CELF2: variants seen among roughly 807,000 people sequenced by gnomAD.
The protein encoded by CELF2 is CUG triplet repeat RNA-binding protein 2.
In CELF2, 8 loss-of-function variants were observed where a neutral mutation model predicts 62.6. The ratio of observed to expected loss-of-function variants is 0.13; its 90% CI spans 0.07 to 0.23. The LOEUF (loss-of-function observed/expected upper bound fraction) is 0.23. Among genes scored for constraint, CELF2 ranks in the 10% least tolerant of loss-of-function variants. CELF2 has a pLI of 1.00. For missense variants in CELF2, 333 were observed against 671.0 expected (o/e 0.50, Z 5.56); for synonymous variants, 258 against 250.0 (o/e 1.03, Z -0.30).
At chr10:11,181,777 G>T (rs927211127) in intron 2 of CELF2, among the ~76,000 whole-genome samples, 1 of 152,210 alleles carries the variant, frequency 6.6e-6, no homozygotes, top group African/African-American at 2.4e-5. Context: ...GGACCTCATC[G>T]AACTTAGTAC....
the CELF2 span, among the ~76,000 whole-genome samples, chr10:10,478,107 A>T: frequency 1.3e-5 from 2 of 152,192 alleles, no homozygotes; most frequent in African/African-American, 4.8e-5. Flanking sequence ...CCAGGAAAAA[A>T]GTTAGCCATC....
chr10:11,101,461 C>T (rs2051604391), intron 1 of CELF2, among the ~76,000 whole-genome samples: 1 of 152,122 alleles, frequency 6.6e-6, no homozygotes, highest in South Asian at 2.1e-4. Flanking sequence ...TTAGAGAGGG[C>T]TAGCTCTCAA....
chr10:11,123,769 T>C (rs2058192180), intron 1 of CELF2, among the ~76,000 whole-genome samples: 1 of 151,672 alleles, frequency 6.6e-6, no homozygotes, highest in African/African-American at 2.4e-5. Context: ...AAAGTCCTTC[T>C]AAGATGAAAA....
intron 9 of CELF2, among the ~76,000 whole-genome samples, chr10:11,295,811 C>T (rs2093103398): frequency 6.6e-6 from 1 of 152,130 alleles, no homozygotes; most frequent in Non-Finnish European, 1.5e-5. Context: ...GATCATCCTG[C>T]TTCTAAAGGA....
In CELF2 at chr10:11,334,731, A is replaced by T. The variant is rs2096087078; in HGVS notation, c.*5678A>T. ...ACGCAGTTCTTAACATACATTCCAA[A>T]CTGCTGCGGGGTTTCCTCTCCACAC... On this transcript the variant is annotated 3_prime_UTR_variant, in exon 13 of 13. Coordinates refer to ENST00000633077, the MANE Select transcript of CELF2 (RefSeq NM_001326342.2). The T allele has an allele frequency of 6.6e-6, 1 of 151,966 alleles. No individual in the cohort carries two copies. The highest frequency in any genetic ancestry group is 2.4e-5 in the African/African-American group (1 of 41,368). The allele number at this position is 151,966 out of a possible 1,614,324, so 9.4% of individuals were successfully genotyped here.
the CELF2 span, among the ~76,000 whole-genome samples, chr10:10,748,734 C>A: frequency 5.1e-5 from 6 of 117,900 alleles, no homozygotes; most frequent in Non-Finnish European, 9.6e-5. Context: ...GGTGACAGAG[C>A]GAGACTCTGT....
chr10:11,078,419 A>C (rs1294413408), intron 1 of CELF2, among the ~76,000 whole-genome samples: 3 of 152,206 alleles, frequency 2.0e-5, no homozygotes, highest in African/African-American at 7.2e-5. Context: ...TACCTATAAC[A>C]GGTGCTCACA....
At chr10:10,952,447 A>G (rs1299692741) in intron 2 of CELF2, among the ~76,000 whole-genome samples, 1 of 152,226 alleles carries the variant, frequency 6.6e-6, no homozygotes, top group East Asian at 1.9e-4. Flanking sequence ...AAAAGAGAAG[A>G]AAGACAGTGA....
At chr10:10,554,388 T>G in the CELF2 span, among the ~76,000 whole-genome samples, 1 of 152,160 alleles carries the variant, frequency 6.6e-6, no homozygotes, top group East Asian at 1.9e-4. Flanking sequence ...CTGATCTGAT[T>G]GTGTCCTTCT....
At chr10:10,505,142 A>G in the CELF2 span, among the ~76,000 whole-genome samples, 1 of 152,172 alleles carries the variant, frequency 6.6e-6, no homozygotes, top group African/African-American at 2.4e-5. Flanking sequence ...ATATGAGACT[A>G]TTAAATTAAT....
chr10:11,041,348 A>G lies in CELF2; in HGVS notation c.74+23185A>G, dbSNP rs889960438. Among the ~76,000 whole-genome samples the G allele has an allele frequency of 2.0e-5, 3 of 152,136 alleles. No individual in the cohort carries two copies. In the South Asian group the frequency reaches 6.2e-4, roughly 32 times the overall value. On this transcript the variant is annotated intron_variant, in intron 1 of 12. Transcript: ENST00000633077. The stretch of plus-strand genomic sequence containing the variant: ...GATGTAGAGTAAGATCCCGAGAGAG[A>G]GAGGGAGACACTACCTAAGGCAAGA...
At chr10:11,090,184 T>TG (rs1235028699) in intron 1 of CELF2, among the ~76,000 whole-genome samples, 2 of 149,230 alleles carry the variant, frequency 1.3e-5, no homozygotes, top group Non-Finnish European at 3.0e-5. Context: ...AAATGAAATT[T>TG]GGGGAAAAAA....
chr10:10,733,613 G>T, the CELF2 span, among the ~76,000 whole-genome samples: 1 of 51,714 alleles, frequency 1.9e-5, no homozygotes, highest in African/African-American at 5.4e-5. Context: ...AGCATGGCTT[G>T]GGGGGGCCTC....
chr10:11,168,199 A>G (rs2067792451), intron 2 of CELF2, among the ~76,000 whole-genome samples: 1 of 152,214 alleles, frequency 6.6e-6, no homozygotes, highest in Admixed American at 6.5e-5. Flanking sequence ...ATCATGGGGT[A>G]GGAGTTAGAG....
chr10:11,077,088 G>A (rs147951671), intron 1 of CELF2, among the ~76,000 whole-genome samples: 1 of 152,244 alleles, frequency 6.6e-6, no homozygotes, highest in East Asian at 1.9e-4. Context: ...GATTTCCCAA[G>A]TCCTTTGCCG....
chr10:11,016,911 T>C (rs2057332999), upstream of CELF2, among the ~76,000 whole-genome samples: 1 of 152,250 alleles, frequency 6.6e-6, no homozygotes, highest in Non-Finnish European at 1.5e-5. The surrounding 1 kb of genome is among the most constrained non-coding windows in gnomAD (Gnocchi z 5.2). Context: ...AGGTAAACTA[T>C]AAACTTTTGG....
At chr10:10,602,135 A>G in the CELF2 span, among the ~76,000 whole-genome samples, 1 of 152,084 alleles carries the variant, frequency 6.6e-6, no homozygotes, top group Non-Finnish European at 1.5e-5. Context: ...TATCCAGTCT[A>G]TCACTGATGG....
intron 1 of CELF2, among the ~76,000 whole-genome samples, chr10:10,836,689 G>A (rs186471285): frequency 1.1e-3 from 163 of 152,278 alleles, no homozygotes; most frequent in African/African-American, 3.8e-3. Context: ...AGGCTGGAGT[G>A]CCATGGCACG....
chr10:10,968,961 A>G (rs1446258663), intron 2 of CELF2, among the ~76,000 whole-genome samples: 1 of 152,238 alleles, frequency 6.6e-6, no homozygotes, highest in Non-Finnish European at 1.5e-5. Context: ...ATGAAAATGC[A>G]CTATCTAGTT....
Sources: gnomAD v4.1 joint callset for allele counts (sites outside exome capture counted in the v4.1 genomes callset) on GRCh38, gnomAD v4.1.1 for gene constraint, Gnocchi (gnomAD v3.1) non-coding constraint, MANE v1.5 for transcripts, NCBI Gene and HGNC (gene_info 2026-07-23, HGNC 2026-07-21) for gene names.